The following FHIT variants were observed in gnomAD, a reference collection of about 807,000 sequenced individuals.
FHIT encodes bis(5'-adenosyl)-triphosphatase.
In FHIT, 19 loss-of-function variants were observed where a neutral mutation model predicts 17.9. The observed-to-expected ratio is 1.06, with a 90% CI of 0.74 to 1.56. The LOEUF is 1.56. Ranked by LOEUF, FHIT falls within the 40% of genes most tolerant of loss-of-function variation. FHIT has a pLI of 0.00. For synonymous variants in FHIT, 81 were observed against 69.7 expected, an observed-to-expected ratio of 1.16 and a Z score of -0.81; for missense variants, 248 against 189.2, an observed-to-expected ratio of 1.31 and a Z score of -1.82.
chr3:59,802,522 C>T (rs1176564426), intron 8 of FHIT, among the ~76,000 whole-genome samples: 1 of 152,142 alleles, frequency 6.6e-6, no homozygotes, highest in African/African-American at 2.4e-5. Flanking sequence ...AGCTCCCCCA[C>T]TGAGCACCTT....
At chr3:60,036,215 T>G (rs188625164) in intron 5 of FHIT, among the ~76,000 whole-genome samples, 2 of 152,332 alleles carry the variant, frequency 1.3e-5, no homozygotes, top group Non-Finnish European at 2.9e-5. Context: ...CATCAATGAC[T>G]CCCTATCTCC....
chr3:60,882,128 A>C (rs1451495681), intron 3 of FHIT, among the ~76,000 whole-genome samples: 4 of 152,106 alleles, frequency 2.6e-5, no homozygotes, highest in African/African-American at 9.7e-5. Context: ...CACAAATTGG[A>C]AAACCAAACA....
At chr3:60,823,241 C>T (rs1553739892) in intron 3 of FHIT, among the ~76,000 whole-genome samples, 1 of 152,078 alleles carries the variant, frequency 6.6e-6, no homozygotes, top group East Asian at 1.9e-4. Flanking sequence ...TCTAAGGACT[C>T]TGGAGAAACA....
chr3:61,021,598 C>CAAAAAAAA (rs34870709), intron 3 of FHIT, among the ~76,000 whole-genome samples: 1 of 63,862 alleles, frequency 1.6e-5, no homozygotes, highest in Non-Finnish European at 2.7e-5. Context: ...GACTCCGTCT[C>CAAAAAAAA]AAAAAAAAAA....
chr3:61,125,580 T>G (rs2106937368), intron 2 of FHIT, among the ~76,000 whole-genome samples: 1 of 152,324 alleles, frequency 6.6e-6, no homozygotes, highest in Non-Finnish European at 1.5e-5. Context: ...CACTCAATTC[T>G]TAATAGATGG....
chr3:60,966,053 C>T (rs1709724317), intron 3 of FHIT, among the ~76,000 whole-genome samples: 2 of 152,188 alleles, frequency 1.3e-5, no homozygotes, highest in African/African-American at 4.8e-5. Context: ...TCTACAGAGG[C>T]AGGCAGGCCT....
At chr3:59,901,435 A>C (rs1478336626) in intron 8 of FHIT, among the ~76,000 whole-genome samples, 1 of 152,206 alleles carries the variant, frequency 6.6e-6, no homozygotes, top group Non-Finnish European at 1.5e-5. Context: ...TAATAAAAAC[A>C]CAAAAAATCC....
intron 5 of FHIT, among the ~76,000 whole-genome samples, chr3:60,383,953 T>C (rs1292137900): frequency 1.3e-5 from 2 of 152,152 alleles, no homozygotes; most frequent in East Asian, 1.9e-4. Flanking sequence ...TGGAAAATGT[T>C]TATGTCAAAA....
intron 8 of FHIT, among the ~76,000 whole-genome samples, chr3:59,857,705 G>GTTTTTTTTTTTTTTTTTTTTTTTT (rs78150569): frequency 8.7e-6 from 1 of 115,436 alleles, no homozygotes; most frequent in African/African-American, 3.6e-5. Flanking sequence ...AAAGTGCTGG[G>GTTTTTTTTTTTTTTTTTTTTTTTT]TTTTTTTTTT....
At chr3:60,618,256 G>C (rs1553676763) in intron 4 of FHIT, among the ~76,000 whole-genome samples, 2 of 152,084 alleles carry the variant, frequency 1.3e-5, no homozygotes, top group Non-Finnish European at 2.9e-5. Context: ...GATATGCTCA[G>C]GTGCAGTCCT....
intron 5 of FHIT, among the ~76,000 whole-genome samples, chr3:60,335,826 TAGAC>T (rs200007932): frequency 0.018 from 2,791 of 152,206 alleles, 44 homozygotes; most frequent in Middle Eastern, 0.044. Context: ...TACTTTCTAT[TAGAC>T]AGTGCTGGTA....
chr3:61,137,739 G>A (rs761004668), intron 2 of FHIT, among the ~76,000 whole-genome samples: 1 of 152,188 alleles, frequency 6.6e-6, no homozygotes, highest in Non-Finnish European at 1.5e-5. Context: ...ACTTCTCAGA[G>A]CCCAAGGTTA....
chr3:60,127,157 T>C (rs1457322244), intron 5 of FHIT, among the ~76,000 whole-genome samples: 1 of 152,148 alleles, frequency 6.6e-6, no homozygotes, highest in Non-Finnish European at 1.5e-5. Context: ...CCATCCTCTC[T>C]GACCCACAGG....
chr3:60,327,740 C>A (rs990779291), intron 5 of FHIT, among the ~76,000 whole-genome samples: 1 of 152,130 alleles, frequency 6.6e-6, no homozygotes, highest in African/African-American at 2.4e-5. Context: ...TAGAGTTTGT[C>A]CTCAGTGACT....
intron 5 of FHIT, among the ~76,000 whole-genome samples, chr3:60,217,729 G>A (rs1703762670): frequency 6.6e-6 from 1 of 152,072 alleles, no homozygotes; most frequent in South Asian, 2.1e-4. Context: ...TTATCCAAAT[G>A]CATCAAATTT....
intron 5 of FHIT, among the ~76,000 whole-genome samples, chr3:60,027,866 T>C (rs1700819450): frequency 6.6e-6 from 1 of 152,180 alleles, no homozygotes; most frequent in African/African-American, 2.4e-5. Context: ...CTATATCCTA[T>C]ACTGTTCAAT....
chr3:59,858,898 C>T (rs1006290376), intron 8 of FHIT, among the ~76,000 whole-genome samples: 1 of 152,082 alleles, frequency 6.6e-6, no homozygotes, highest in East Asian at 1.9e-4. Context: ...TATACACATA[C>T]CCAGATATGG....
At chr3:61,102,335 C>T (rs1458630431) in intron 2 of FHIT, among the ~76,000 whole-genome samples, 1 of 152,054 alleles carries the variant, frequency 6.6e-6, no homozygotes, top group African/African-American at 2.4e-5. Context: ...GTCTTTGGTT[C>T]TGTTTATGTG....
intron 5 of FHIT, among the ~76,000 whole-genome samples, chr3:60,416,577 A>G (rs1471785106): frequency 6.6e-6 from 1 of 152,156 alleles, no homozygotes; most frequent in African/African-American, 2.4e-5. Flanking sequence ...TGAAAGTTGA[A>G]TTTTATCTAA....
Sources: allele counts gnomAD v4.1 joint callset (sites outside exome capture counted in the v4.1 genomes callset), GRCh38; gene constraint gnomAD v4.1.1; transcripts MANE v1.5; gene names NCBI Gene and HGNC (gene_info 2026-07-23, HGNC 2026-07-21).